Variants in IQCJ observed in about 807,000 individuals in gnomAD.
IQCJ encodes the protein IQ motif containing J.
IQCJ carries 9 observed loss-of-function variants against 11.0 expected under a neutral mutation model. The observed-to-expected ratio is 0.82, with a 90% CI of 0.49 to 1.43. The LOEUF (loss-of-function observed/expected upper bound fraction) is 1.43, where lower values mean the gene tolerates loss of function less well. IQCJ is among the 40% of genes most tolerant of loss of function. IQCJ has a pLI of 0.00. For synonymous variants in IQCJ, 55 were observed against 51.3 expected, an observed-to-expected ratio of 1.07 and a Z score of -0.31; for missense variants, 146 against 133.2, an observed-to-expected ratio of 1.10 and a Z score of -0.47.
At chr3:159,108,900 G>T (rs780969410) in intron 1 of IQCJ, among the ~76,000 whole-genome samples, 1 of 152,224 alleles carries the variant, frequency 6.6e-6, no homozygotes, top group Admixed American at 6.5e-5. Context: ...CTCATGACCA[G>T]ATGGTAGAGG....
At chr3:159,128,718 A>G (rs1053093750) in intron 1 of IQCJ, among the ~76,000 whole-genome samples, 37 of 152,068 alleles carry the variant, frequency 2.4e-4, no homozygotes, top group Non-Finnish European at 4.3e-4. Flanking sequence ...ATCTGCTCCC[A>G]ACACATCACC....
At chr3:159,203,173 A>G (rs1429984821) in intron 1 of IQCJ, among the ~76,000 whole-genome samples, 1 of 148,984 alleles carries the variant, frequency 6.7e-6, no homozygotes, top group Non-Finnish European at 1.5e-5. Context: ...TCCTGGTGTC[A>G]TTGGAGGATT....
At chr3:159,172,953 G>A (rs530466858) in intron 1 of IQCJ, among the ~76,000 whole-genome samples, 23 of 152,238 alleles carry the variant, frequency 1.5e-4, no homozygotes, top group African/African-American at 5.1e-4. Context: ...CTAAGTCACT[G>A]CGTAAGACAA....
At chr3:159,153,672 G>A (rs1209273764) in intron 1 of IQCJ, among the ~76,000 whole-genome samples, 1 of 152,206 alleles carries the variant, frequency 6.6e-6, no homozygotes, top group African/African-American at 2.4e-5. Flanking sequence ...TAAGTGAAAA[G>A]CTATAGTGGG....
In IQCJ at chr3:159,171,549, C is replaced by G. The variant is rs1329908345; in HGVS notation, c.10-74294C>G. Among the ~76,000 whole-genome samples, 3 of 152,196 alleles carry G rather than the reference C, an allele frequency of 2.0e-5. No homozygotes were observed. The East Asian group carries it at 5.8e-4, about 29-fold the overall frequency. The stretch of plus-strand genomic sequence containing the variant: ...ATTCAAGAATCATGCGTCAATCAGC[C>G]CTGCTTCAGACTAGTGGTTCTCAGG... On this transcript the variant is annotated intron_variant, in intron 1 of 3. Coordinates refer to ENST00000397832, the MANE Select transcript of IQCJ (RefSeq NM_001042706.3).
chr3:159,252,910 C>A (rs1284670487), intron 3 of IQCJ, 103 bp downstream of exon 3: 2 of 1,130,748 alleles, frequency 1.8e-6, no homozygotes, highest in Non-Finnish European at 1.3e-6. Context: ...CTTTATTTTA[C>A]ATTCATGTGC....
intron 1 of IQCJ, 101 bp from the exon 2 acceptor site, chr3:159,245,742 T>G: frequency 9.9e-7 from 1 of 1,013,314 alleles, no homozygotes; most frequent in Middle Eastern, 2.1e-4. Flanking sequence ...CCAGAACTCT[T>G]AATGTTGTGT....
intron 1 of IQCJ, among the ~76,000 whole-genome samples, chr3:159,073,037 C>T (rs991631775): frequency 6.6e-6 from 1 of 152,002 alleles, no homozygotes; most frequent in Non-Finnish European, 1.5e-5. Flanking sequence ...GGGAAGGAAG[C>T]AAAATTGGGC....
chr3:159,154,790 G>A (rs921785949), intron 1 of IQCJ, among the ~76,000 whole-genome samples: 12 of 152,172 alleles, frequency 7.9e-5, no homozygotes, highest in Non-Finnish European at 1.5e-4. Flanking sequence ...CAGTCACAAT[G>A]TCTGGTGTCA....
intron 1 of IQCJ, among the ~76,000 whole-genome samples, chr3:159,211,705 C>T (rs931152159): frequency 1.3e-5 from 2 of 152,144 alleles, no homozygotes; most frequent in African/African-American, 4.8e-5. Context: ...CAACTCTTTT[C>T]ATTGGTTGGA....
chr3:159,071,943 A>C (rs1411462605), intron 1 of IQCJ, among the ~76,000 whole-genome samples: 1 of 152,138 alleles, frequency 6.6e-6, no homozygotes, highest in African/African-American at 2.4e-5. Flanking sequence ...TCACATATAG[A>C]ATGAAGACAT....
At chr3:159,196,678 C>A (rs1445762670) in intron 1 of IQCJ, among the ~76,000 whole-genome samples, 1 of 152,162 alleles carries the variant, frequency 6.6e-6, no homozygotes, top group South Asian at 2.1e-4. Flanking sequence ...TGGCTCATGT[C>A]TCTTTCTTAG....
intron 1 of IQCJ, among the ~76,000 whole-genome samples, chr3:159,092,285 G>T (rs971730314): frequency 3.9e-5 from 6 of 151,946 alleles, no homozygotes; most frequent in Admixed American, 3.9e-4. Flanking sequence ...AAGACAAGTG[G>T]CTGGTATCTT....
chr3:159,161,602 G>A (rs1721859404), intron 1 of IQCJ, among the ~76,000 whole-genome samples: 1 of 152,116 alleles, frequency 6.6e-6, no homozygotes. Context: ...TGAAGTCCTT[G>A]CCCATGCCTA....
intron 1 of IQCJ, among the ~76,000 whole-genome samples, chr3:159,070,631 C>G (rs1168936070): frequency 6.6e-6 from 1 of 151,984 alleles, no homozygotes; most frequent in African/African-American, 2.4e-5. Flanking sequence ...GCATTATGCT[C>G]TTTTTGAGAT....
chr3:159,198,294 T>C (rs1724112080), intron 1 of IQCJ, among the ~76,000 whole-genome samples: 2 of 151,950 alleles, frequency 1.3e-5, no homozygotes, highest in Admixed American at 1.3e-4. Flanking sequence ...TCTGAACAAA[T>C]GGAAAAGAAG....
At chr3:159,257,801 A>G (rs1310352676) in intron 3 of IQCJ, among the ~76,000 whole-genome samples, 1 of 152,254 alleles carries the variant, frequency 6.6e-6, no homozygotes, top group Non-Finnish European at 1.5e-5. Context: ...ACTCACAGTC[A>G]GTATATGACA....
chr3:159,166,037 C>A (rs1005962085), intron 1 of IQCJ, among the ~76,000 whole-genome samples: 1 of 151,868 alleles, frequency 6.6e-6, no homozygotes, highest in African/African-American at 2.4e-5. Flanking sequence ...TCCTACTTTT[C>A]TGATTTTCAA....
intron 1 of IQCJ, among the ~76,000 whole-genome samples, chr3:159,233,028 G>A (rs1022312985): frequency 7.9e-5 from 12 of 152,226 alleles, no homozygotes; most frequent in African/African-American, 1.7e-4. Flanking sequence ...AGGTAATGCT[G>A]CGCTATTTAA....
Sources: gnomAD v4.1 joint callset for allele counts (sites outside exome capture counted in the v4.1 genomes callset) on GRCh38, gnomAD v4.1.1 for gene constraint, MANE v1.5 for transcripts, NCBI Gene and HGNC (gene_info 2026-07-23, HGNC 2026-07-21) for gene names.